Variants in NTM observed in about 807,000 individuals in gnomAD.
The protein encoded by NTM is neurotrimin.
NTM carries 13 observed loss-of-function variants against 42.1 expected under a neutral mutation model. The observed-to-expected ratio is 0.31, with a 90% confidence interval of 0.20 to 0.49. The LOEUF is 0.49. NTM is among the 20% of genes least tolerant of loss of function. The pLI, the probability that NTM is intolerant of heterozygous loss-of-function variation, is 0.99. For missense variants in NTM, 373 were observed against 452.8 expected, an observed-to-expected ratio of 0.82 and a Z score of 1.60; for synonymous variants, 187 against 179.2, an observed-to-expected ratio of 1.04 and a Z score of -0.35.
intron 1 of NTM, among the ~76,000 whole-genome samples, chr11:131,883,414 C>G (rs925906561): frequency 6.6e-6 from 1 of 152,116 alleles, no homozygotes; most frequent in Non-Finnish European, 1.5e-5. Context: ...GCATCCAGAG[C>G]CAGAGCCTGT....
At chr11:131,500,397 T>C (rs1014207953) in intron 1 of NTM, among the ~76,000 whole-genome samples, 4 of 151,852 alleles carry the variant, frequency 2.6e-5, no homozygotes, top group Non-Finnish European at 4.4e-5. Flanking sequence ...CTGTGCTTTA[T>C]TTTTATCTGC....
At position 131,414,325 on chromosome 11, in the gene NTM, G is replaced by A. The variant is rs554481134; in HGVS notation, c.82+43437G>A. Among the ~76,000 whole-genome samples, 4 of 152,284 alleles carry A rather than the reference G, an allele frequency of 2.6e-5. No individual in the cohort carries two copies. In the East Asian group the frequency reaches 5.8e-4, roughly 22 times the overall value. On this transcript the variant is annotated intron_variant, in intron 1 of 8. Coordinates refer to ENST00000683400, the MANE Select transcript of NTM (RefSeq NM_001352005.2). ...CTCTTCCTTCCCTCTCCAGGACTGA[G>A]TGGACAGTCTGCCTGCTGCCTTTGC...
chr11:131,735,248 C>T (rs1443134921), intron 1 of NTM, among the ~76,000 whole-genome samples: 2 of 152,208 alleles, frequency 1.3e-5, no homozygotes, highest in East Asian at 3.8e-4. Context: ...TCACAGCTGC[C>T]CAGGTCCTGG....
At chr11:132,034,364 C>T (rs916954238) in intron 2 of NTM, among the ~76,000 whole-genome samples, 2 of 152,192 alleles carry the variant, frequency 1.3e-5, no homozygotes, top group Non-Finnish European at 2.9e-5. Context: ...TTGCTTCACC[C>T]GTCTCAGGGG....
intron 2 of NTM, among the ~76,000 whole-genome samples, chr11:132,041,067 T>G (rs1352034341): frequency 3.3e-5 from 5 of 152,148 alleles, no homozygotes. Flanking sequence ...CATGCTGGAG[T>G]CTTCAATACC....
chr11:131,874,692 G>C (rs116757943), intron 1 of NTM, among the ~76,000 whole-genome samples: 4 of 152,056 alleles, frequency 2.6e-5, no homozygotes, highest in Non-Finnish European at 4.4e-5. Context: ...TGCCTAAATT[G>C]TTCTCTAAAC....
At chr11:131,704,958 A>T (rs994103803) in intron 1 of NTM, among the ~76,000 whole-genome samples, 6 of 152,154 alleles carry the variant, frequency 3.9e-5, no homozygotes, top group African/African-American at 1.2e-4. Flanking sequence ...AGAAACAGTG[A>T]CAAAACCCTC....
chr11:131,958,580 C>T (rs941072232), intron 2 of NTM, among the ~76,000 whole-genome samples: 1 of 152,138 alleles, frequency 6.6e-6, no homozygotes, highest in African/African-American at 2.4e-5. Context: ...ACCGTCCTTC[C>T]TCCACCCCAA....
In NTM at chr11:132,153,869, A is replaced by G. The variant is rs539355561; in HGVS notation, c.400+7355A>G. On this transcript the variant is annotated intron_variant, in intron 3 of 8. Transcript: ENST00000683400. ...AAGGTAACAGGGATTAGGATGTTTGAGGGTATAAATGCTATGAATACATTG... is the reference window on the plus strand; with the variant it reads ...AAGGTAACAGGGATTAGGATGTTTGGGGGTATAAATGCTATGAATACATTG... Among the ~76,000 whole-genome samples, 21 of 152,332 alleles carry G rather than the reference A, an allele frequency of 1.4e-4. No homozygotes were observed. The South Asian group carries it at 3.9e-3, about 29-fold the overall frequency.
intron 1 of NTM, among the ~76,000 whole-genome samples, chr11:131,416,233 A>G (rs1056608033): frequency 1.3e-5 from 2 of 151,800 alleles, no homozygotes; most frequent in African/African-American, 2.4e-5. Context: ...AAAGCCAGGG[A>G]CATATCTCAA....
intron 5 of NTM, among the ~76,000 whole-genome samples, chr11:132,309,077 A>G (rs1188489748): frequency 6.6e-6 from 1 of 152,230 alleles, no homozygotes; most frequent in African/African-American, 2.4e-5. Flanking sequence ...TTTTCGTGGT[A>G]CTGAGACCCT....
At chr11:132,221,028 C>T (rs1452289742) in intron 4 of NTM, among the ~76,000 whole-genome samples, 2 of 152,128 alleles carry the variant, frequency 1.3e-5, no homozygotes, top group Non-Finnish European at 2.9e-5. Context: ...CAGCTAAAGG[C>T]TTGGGGAGTT....
At chr11:131,461,321 A>AGAAAAGCATCTCAT (rs1414688547) in intron 1 of NTM, among the ~76,000 whole-genome samples, 13 of 152,262 alleles carry the variant, frequency 8.5e-5, no homozygotes, top group Non-Finnish European at 1.6e-4. Flanking sequence ...CAGAAATCTC[A>AGAAAAGCATCTCAT]GAAAAGCATC....
intron 1 of NTM, among the ~76,000 whole-genome samples, chr11:131,482,917 T>G (rs1444097919): frequency 6.6e-6 from 1 of 152,174 alleles, no homozygotes; most frequent in African/African-American, 2.4e-5. Context: ...AAAGGAAGCT[T>G]CAGGCAGCTG....
intron 1 of NTM, among the ~76,000 whole-genome samples, chr11:131,792,689 C>G (rs1292401906): frequency 6.6e-6 from 1 of 152,136 alleles, no homozygotes. Context: ...CAAATGGGCA[C>G]GGTGCCTTCA....
At chr11:131,376,827 A>G (rs1942036632) in intron 1 of NTM, among the ~76,000 whole-genome samples, 1 of 152,134 alleles carries the variant, frequency 6.6e-6, no homozygotes. Context: ...CTCTCACCCT[A>G]ACACCAAATC....
intron 1 of NTM, among the ~76,000 whole-genome samples, chr11:131,487,357 G>T (rs972896761): frequency 1.3e-5 from 2 of 152,146 alleles, no homozygotes; most frequent in African/African-American, 4.8e-5. Flanking sequence ...AATACTGGAT[G>T]CCCCAAACAT....
chr11:132,146,231 G>T lies in NTM; in HGVS notation c.168-51G>T. 6.2e-7 allele frequency: 1 copy of T among 1,601,420 alleles called. No individual in the cohort carries two copies. The highest frequency in any genetic ancestry group is 8.5e-7 in the Non-Finnish European group (1 of 1,171,890). ...TTGCCATGAGGACCTCCCTCTGATG[G>T]CTGCTGTCGTCTCTCAGTCCCTTGA... On this transcript the variant is annotated intron_variant, in intron 2 of 8. Transcript: ENST00000683400. The surrounding 1 kb of genome is among the most constrained non-coding windows in gnomAD (Gnocchi z 4.5).
At chr11:132,331,345 G>A (rs1162367409) in intron 8 of NTM, among the ~76,000 whole-genome samples, 1 of 152,136 alleles carries the variant, frequency 6.6e-6, no homozygotes, top group Non-Finnish European at 1.5e-5. Flanking sequence ...ACATGGCTTT[G>A]CTTCTATGTA....
Sources: gnomAD v4.1 joint callset for allele counts (sites outside exome capture counted in the v4.1 genomes callset) on GRCh38, gnomAD v4.1.1 for gene constraint, Gnocchi (gnomAD v3.1) non-coding constraint, MANE v1.5 for transcripts, NCBI Gene and HGNC (gene_info 2026-07-23, HGNC 2026-07-21) for gene names.